The following DENND2C variants were observed in gnomAD, a reference collection of about 807,000 sequenced individuals.
DENND2C encodes DENN domain-containing protein 2C.
In DENND2C, 72 loss-of-function variants were observed where a neutral mutation model predicts 112.4. The observed-to-expected ratio is 0.64, with a 90% CI of 0.53 to 0.78. DENND2C has a LOEUF of 0.78. Ranked by LOEUF, DENND2C falls within the 30% of genes least tolerant of loss-of-function variation. DENND2C has a pLI of 0.00. For missense variants in DENND2C, 992 were observed against 1,113.8 expected, an observed-to-expected ratio of 0.89 and a Z score of 1.56; for synonymous variants, 329 against 381.6, an observed-to-expected ratio of 0.86 and a Z score of 1.61.
At chr1:114,663,951 C>CT (rs538184910) in intron 1 of DENND2C, among the ~76,000 whole-genome samples, 4,533 of 130,960 alleles carry the variant, frequency 0.035, 135 homozygotes, top group African/African-American at 0.064. Context: ...TACTGCTATT[C>CT]TTTTTTTTTT....
chr1:114,594,670 C>A, intron 17 of DENND2C, 92 bp from the exon 18 acceptor site: 1 of 1,046,390 alleles, frequency 9.6e-7, no homozygotes, highest in Non-Finnish European at 1.4e-6. Context: ...CAAAATTCCA[C>A]AAGTGACTGT....
intron 8 of DENND2C, among the ~76,000 whole-genome samples, chr1:114,617,445 G>A (rs1028700840): frequency 3.3e-5 from 5 of 152,092 alleles, no homozygotes; most frequent in Non-Finnish European, 2.9e-5. Flanking sequence ...TGAGTAGCTG[G>A]GATTATGGGC....
chr1:114,600,838 G>T lies in DENND2C; in HGVS notation c.1938C>A (p.Leu646=). 6.2e-7 allele frequency: 1 copy of T among 1,613,222 alleles called. No homozygotes were observed. The highest frequency in any genetic ancestry group is 8.5e-7 in the Non-Finnish European group (1 of 1,179,608). ...AACTTACCTCATCTCCAGCCCCAGG[G>T]AGGTAACTCTTAACTGTGATGGTGC... ...PGRTITVKSY[L]PGAGDESIEL... The change falls in exon 14 of 21, where the codon CTC becomes CTA. Residue 646 remains leucine, a synonymous_variant. Coordinates refer to ENST00000393274, the MANE Select transcript of DENND2C (RefSeq NM_001256404.2).
Position 114,625,455 on chromosome 1 carries a change from T to C in DENND2C, c.530A>G (p.Asn177Ser). ...GTATGAACTATCCAGAACTCTGAAG[T>C]TCAGTTCTTTTTCTGAAGAGTCACA... ...EHCDSSEKELNFRVLDSSYGI... is the reference protein window; with the variant it reads ...EHCDSSEKELSFRVLDSSYGI... The change falls in exon 4 of 21, where the codon AAC becomes AGC. Residue 177 changes from asparagine (N) to serine (S), a missense_variant. Asn to Ser is a conservative substitution (Grantham distance 46, BLOSUM62 1). Transcript: ENST00000393274. The C allele has an allele frequency of 6.2e-7, 1 of 1,614,144 alleles. No individual in the cohort carries two copies. The highest frequency in any genetic ancestry group is 8.5e-7 in the Non-Finnish European group (1 of 1,180,014).
intron 8 of DENND2C, among the ~76,000 whole-genome samples, chr1:114,616,789 A>C (rs1403137405): frequency 6.6e-6 from 1 of 152,132 alleles, no homozygotes; most frequent in East Asian, 1.9e-4. Context: ...CAGGAGATAA[A>C]GGTTGCACTG....
chr1:114,633,393 T>C (rs1238516147), intron 3 of DENND2C, among the ~76,000 whole-genome samples: 2 of 125,998 alleles, frequency 1.6e-5, no homozygotes, highest in Non-Finnish European at 3.1e-5. Context: ...TAAGCCAAGA[T>C]CGCACCACTG....
intron 14 of DENND2C, among the ~76,000 whole-genome samples, 187 bp from the exon 15 acceptor site, chr1:114,600,539 TA>T (rs1235127108): frequency 6.6e-6 from 1 of 152,180 alleles, no homozygotes; most frequent in Non-Finnish European, 1.5e-5. Flanking sequence ...CAAGATCCTG[TA>T]TTCCTTCTGA....
chr1:114,608,545 G>A, intron 10 of DENND2C, 141 bp downstream of exon 10: 4 of 899,994 alleles, frequency 4.4e-6, no homozygotes, highest in Non-Finnish European at 6.6e-6. Flanking sequence ...AACATAAGAT[G>A]TTTTCAAAGC....
chr1:114,595,494 A>AG (rs1488826795), intron 17 of DENND2C: 20 of 171,744 alleles, frequency 1.2e-4, no homozygotes, highest in South Asian at 8.7e-4. Context: ...AAAAAAAAAA[A>AG]AAAAAGAAAT....
chr1:114,635,083 A>G (rs142305947), intron 3 of DENND2C, among the ~76,000 whole-genome samples: 1,954 of 151,900 alleles, frequency 0.013, 26 homozygotes, highest in Non-Finnish European at 0.016. Flanking sequence ...TTTACCTCAT[A>G]AAAGTTTCAA....
At chr1:114,622,152 C>T (rs1656184612) in intron 6 of DENND2C, 87 bp from the exon 7 acceptor site, 3 of 1,376,516 alleles carry the variant, frequency 2.2e-6, no homozygotes, top group South Asian at 1.5e-5. Context: ...CTTGCTCTGT[C>T]GCCCAGGCTG....
intron 16 of DENND2C, among the ~76,000 whole-genome samples, chr1:114,598,312 C>G (rs1357601407): frequency 6.6e-6 from 1 of 152,052 alleles, no homozygotes; most frequent in East Asian, 1.9e-4. Context: ...TATTGTTGAC[C>G]TCATCAACAT....
intron 10 of DENND2C, among the ~76,000 whole-genome samples, chr1:114,606,338 G>T (rs1655656782): frequency 6.6e-6 from 1 of 152,168 alleles, no homozygotes; most frequent in Non-Finnish European, 1.5e-5. Context: ...ATTATTTACT[G>T]CAGGGATATT....
rs1249506714 is a variant in DENND2C, at chr1:114,585,014, C to T, written c.*586G>A. On this transcript the variant is annotated 3_prime_UTR_variant, in exon 21 of 21. Coordinates refer to ENST00000393274, the MANE Select transcript of DENND2C (RefSeq NM_001256404.2). ...TTTATAAGGTACTTAATAACAGTACCTTATAATATTACAAGTAGGGCTTCC... is the reference window on the plus strand; with the variant it reads ...TTTATAAGGTACTTAATAACAGTACTTTATAATATTACAAGTAGGGCTTCC... The T allele has an allele frequency of 6.6e-6, 1 of 152,090 alleles. No individual in the cohort carries two copies. The highest frequency in any genetic ancestry group is 1.9e-4 in the East Asian group (1 of 5,194). The allele number at this position is 152,090 out of a possible 1,614,324, so 9.4% of individuals were successfully genotyped here.
chr1:114,642,168 C>T (rs1326058076), intron 3 of DENND2C, among the ~76,000 whole-genome samples: 2 of 152,130 alleles, frequency 1.3e-5, no homozygotes, highest in African/African-American at 4.8e-5. Flanking sequence ...GCCGGCTGGT[C>T]TCAAACTCCT....
intron 1 of DENND2C, among the ~76,000 whole-genome samples, chr1:114,663,832 A>C (rs531663414): frequency 5.9e-5 from 9 of 152,340 alleles, no homozygotes; most frequent in East Asian, 1.9e-4. Context: ...GCTTTTTGGC[A>C]GAATTGGGTA....
intron 15 of DENND2C, 70 bp downstream of exon 15, chr1:114,600,134 A>G: frequency 6.5e-7 from 1 of 1,527,388 alleles, no homozygotes; most frequent in Non-Finnish European, 8.8e-7. Context: ...ATAAAAAAAA[A>G]TGCCCCAATT....
chr1:114,626,239 TAAAACTCCACTA>T (rs771401490), intron 3 of DENND2C, 51 bp from the exon 4 acceptor site: 3 of 372,384 alleles, frequency 8.1e-6, no homozygotes, highest in Non-Finnish European at 9.7e-6. Context: ...TTTCCTAATT[TAAAACTCCACTA>T]AAACATTGCC....
chr1:114,649,580 G>A (rs1246919522), intron 2 of DENND2C, among the ~76,000 whole-genome samples: 2 of 151,960 alleles, frequency 1.3e-5, no homozygotes, highest in Non-Finnish European at 2.9e-5. Context: ...GTCTCGCTGT[G>A]TTGCCAGGGC....
Sources: gnomAD v4.1 joint callset for allele counts (sites outside exome capture counted in the v4.1 genomes callset) on GRCh38, gnomAD v4.1.1 for gene constraint, MANE v1.5 for transcripts, NCBI Gene and HGNC (gene_info 2026-07-23, HGNC 2026-07-21) for gene names.